The following ADCY2 variants were observed in gnomAD, a reference collection of about 807,000 sequenced individuals.
ADCY2 encodes the protein adenylate cyclase type 2.
ADCY2 carries 31 observed loss-of-function variants against 125.2 expected under a neutral mutation model. That is an observed-to-expected ratio of 0.25 (90% CI 0.19 to 0.33). The LOEUF is 0.33. Among genes scored for constraint, ADCY2 ranks in the 10% least tolerant of loss-of-function variants. ADCY2 has a pLI of 1.00. For missense variants in ADCY2, 904 were observed against 1,418.2 expected, an observed-to-expected ratio of 0.64 and a Z score of 5.82; for synonymous variants, 512 against 548.4, an observed-to-expected ratio of 0.93 and a Z score of 0.93.
intron 4 of ADCY2, among the ~76,000 whole-genome samples, chr5:7,666,766 C>T (rs1739772494): frequency 2.0e-5 from 3 of 152,348 alleles, no homozygotes; most frequent in Admixed American, 1.3e-4. Context: ...TGATATTGCC[C>T]CCCTGGCTTC....
chr5:7,719,221 G>C (rs1371707692), intron 12 of ADCY2, among the ~76,000 whole-genome samples: 1 of 152,084 alleles, frequency 6.6e-6, no homozygotes, highest in African/African-American at 2.4e-5. Flanking sequence ...TATATGTTTA[G>C]TTAATACCTT....
chr5:7,706,472 A>G (rs1343246469), intron 7 of ADCY2, among the ~76,000 whole-genome samples: 5 of 152,206 alleles, frequency 3.3e-5, no homozygotes, highest in Non-Finnish European at 5.9e-5. Context: ...ATACATATTC[A>G]TTGCAGAAGT....
intron 3 of ADCY2, among the ~76,000 whole-genome samples, chr5:7,571,076 G>A (rs1280569365): frequency 6.6e-6 from 1 of 150,690 alleles, no homozygotes; most frequent in Admixed American, 6.6e-5. Flanking sequence ...ATTTTTTTTG[G>A]TATGGAATCT....
intron 2 of ADCY2, among the ~76,000 whole-genome samples, chr5:7,474,236 A>C (rs539374842): frequency 1.3e-5 from 2 of 152,352 alleles, no homozygotes; most frequent in South Asian, 4.1e-4. Flanking sequence ...TCATTTGTTG[A>C]ACAAAGCAAG....
intron 3 of ADCY2, among the ~76,000 whole-genome samples, chr5:7,593,792 A>G (rs915002315): frequency 6.6e-6 from 1 of 152,180 alleles, no homozygotes; most frequent in Non-Finnish European, 1.5e-5. Context: ...AGATGAGACA[A>G]TAGACAAACG....
At chr5:7,608,261 A>G (rs1383277813) in intron 3 of ADCY2, among the ~76,000 whole-genome samples, 1 of 152,182 alleles carries the variant, frequency 6.6e-6, no homozygotes, top group Non-Finnish European at 1.5e-5. Context: ...TGAGCAGGGA[A>G]ATAACACAGT....
At chr5:7,423,826 C>A (rs1206352337) in intron 2 of ADCY2, among the ~76,000 whole-genome samples, 1 of 152,140 alleles carries the variant, frequency 6.6e-6, no homozygotes, top group African/African-American at 2.4e-5. Flanking sequence ...TCCTCCTTTT[C>A]TCTGTACTGC....
At chr5:7,493,417 G>C (rs898920392) in intron 2 of ADCY2, among the ~76,000 whole-genome samples, 1 of 151,584 alleles carries the variant, frequency 6.6e-6, no homozygotes, top group African/African-American at 2.4e-5. Flanking sequence ...AGGAGAGGGG[G>C]TATCGGGTGC....
At chr5:7,537,918 G>C (rs1227343568) in intron 3 of ADCY2, among the ~76,000 whole-genome samples, 1 of 152,080 alleles carries the variant, frequency 6.6e-6, no homozygotes, top group Admixed American at 6.6e-5. Flanking sequence ...CTCCATCTGG[G>C]GCATGCCAGC....
At chr5:7,573,593 C>CTTTTTTTTTTTTTTTTTT (rs763347773) in intron 3 of ADCY2, among the ~76,000 whole-genome samples, 3 of 86,376 alleles carry the variant, frequency 3.5e-5, no homozygotes, top group Non-Finnish European at 7.2e-5. Context: ...GGTTGATTTT[C>CTTTTTTTTTTTTTTTTTT]TTTTTTTTTT....
chr5:7,716,108 C>G (rs965937254), intron 11 of ADCY2, among the ~76,000 whole-genome samples: 4 of 152,142 alleles, frequency 2.6e-5, no homozygotes, highest in African/African-American at 9.7e-5. Flanking sequence ...TTGGAGAGCT[C>G]TTACTATTTG....
chr5:7,534,662 T>C (rs1358391004), intron 3 of ADCY2, among the ~76,000 whole-genome samples: 1 of 152,262 alleles, frequency 6.6e-6, no homozygotes, highest in Non-Finnish European at 1.5e-5. Context: ...CAGCTCAGCC[T>C]GATGTTCTAA....
intron 14 of ADCY2, among the ~76,000 whole-genome samples, chr5:7,734,761 C>T (rs1475978500): frequency 6.6e-6 from 1 of 152,128 alleles, no homozygotes; most frequent in Non-Finnish European, 1.5e-5. Flanking sequence ...TGTCTTAGTC[C>T]ATTTGGACTT....
chr5:7,602,520 C>G (rs1402689575), intron 3 of ADCY2, among the ~76,000 whole-genome samples: 2 of 152,192 alleles, frequency 1.3e-5, no homozygotes, highest in Admixed American at 6.5e-5. Context: ...GTTCTACCTA[C>G]AAGAAGTCTC....
intron 2 of ADCY2, among the ~76,000 whole-genome samples, chr5:7,452,214 C>G (rs1020285773): frequency 1.3e-5 from 2 of 152,030 alleles, no homozygotes; most frequent in Non-Finnish European, 2.9e-5. Flanking sequence ...TGCCCGGCCC[C>G]CAATGTGTAG....
At chr5:7,446,581 CATAA>C (rs1319352087) in intron 2 of ADCY2, among the ~76,000 whole-genome samples, 3 of 150,216 alleles carry the variant, frequency 2.0e-5, no homozygotes, top group Non-Finnish European at 4.4e-5. Flanking sequence ...TACATACATA[CATAA>C]ATGTGAGTCT....
chr5:7,472,789 C>T (rs1742387266), intron 2 of ADCY2, among the ~76,000 whole-genome samples: 1 of 151,996 alleles, frequency 6.6e-6, no homozygotes, highest in Non-Finnish European at 1.5e-5. Context: ...TTACCTTGTC[C>T]TTAGGGTGTG....
intron 4 of ADCY2, among the ~76,000 whole-genome samples, chr5:7,664,409 T>A (rs1353824336): frequency 6.6e-6 from 1 of 152,176 alleles, no homozygotes; most frequent in Middle Eastern, 3.2e-3. Flanking sequence ...GGACTTTCCC[T>A]TCAGGAATGG....
intron 4 of ADCY2, among the ~76,000 whole-genome samples, chr5:7,670,231 A>G (rs553779406): frequency 6.6e-6 from 1 of 152,262 alleles, no homozygotes; most frequent in South Asian, 2.1e-4. Context: ...GTGGTGAAAG[A>G]TGGTGGTGCC....
Sources: allele counts gnomAD v4.1 joint callset (sites outside exome capture counted in the v4.1 genomes callset), GRCh38; gene constraint gnomAD v4.1.1; transcripts MANE v1.5; gene names NCBI Gene and HGNC (gene_info 2026-07-23, HGNC 2026-07-21).